The following LIPT1 variants were observed in gnomAD, a reference collection of about 807,000 sequenced individuals.
LIPT1 encodes lipoyltransferase 1.
LIPT1 carries 22 observed loss-of-function variants against 25.1 expected under a neutral mutation model. The observed-to-expected ratio is 0.88, with a 90% CI of 0.63 to 1.25. The LOEUF (loss-of-function observed/expected upper bound fraction) is 1.25. Ranked by LOEUF, LIPT1 falls within the 50% of genes most tolerant of loss-of-function variation. The pLI is 0.00. For synonymous variants in LIPT1, 131 were observed against 150.8 expected (o/e 0.87, Z 0.96); for missense variants, 399 against 432.8 (o/e 0.92, Z 0.69).
At chr2:99,155,940 C>T (rs2093747760) in intron 1 of LIPT1, among the ~76,000 whole-genome samples, 1 of 152,212 alleles carries the variant, frequency 6.6e-6, no homozygotes, top group Non-Finnish European at 1.5e-5. Flanking sequence ...GGCTTGTCAC[C>T]AGACCTACAG....
In LIPT1 at chr2:99,162,098, G is replaced by C. The variant is rs2093798002; in HGVS notation, c.141G>C (p.Val47=). The C allele has an allele frequency of 2.5e-6, 4 of 1,613,952 alleles. No homozygotes were observed. The highest frequency in any genetic ancestry group is 3.4e-6 in the Non-Finnish European group (4 of 1,180,026). ...ISNDVYQNLA[V]EDWIHDHMNL... ...ATGATGTCTATCAAAATCTGGCTGTGGAAGACTGGATCCATGACCATATGA... is the reference window on the plus strand; with the variant it reads ...ATGATGTCTATCAAAATCTGGCTGTCGAAGACTGGATCCATGACCATATGA... Residue 47 remains valine (V), a synonymous_variant, in exon 2 of 2, where the codon GTG becomes GTC. Coordinates refer to ENST00000651691, the MANE Select transcript of LIPT1 (RefSeq NM_145199.3).
chr2:99,156,553 C>G (rs140931591), intron 1 of LIPT1: 1 of 152,376 alleles, frequency 6.6e-6, no homozygotes, highest in East Asian at 1.9e-4. Context: ...TGTGAACCAC[C>G]TCGCCCGGCC....
In LIPT1 at chr2:99,162,648, G is replaced by T. The variant is rs140873370; in HGVS notation, c.691G>T (p.Val231Phe). The change falls in exon 2 of 2, where the codon GTT becomes TTT. Residue 231 changes from valine to phenylalanine, a missense_variant. Val to Phe is a conservative substitution (Grantham distance 50). Coordinates refer to ENST00000651691, the MANE Select transcript of LIPT1 (RefSeq NM_145199.3). ...GACCTGTGAAGTACTAATGAATGCTGTTGCTACAGAGTATGCTGCTTATCA... is the reference window on the plus strand; with the variant it reads ...GACCTGTGAAGTACTAATGAATGCTTTTGCTACAGAGTATGCTGCTTATCA... Reference protein sequence around the residue: ...TLTCEVLMNAVATEYAAYHQI... With the variant: ...TLTCEVLMNAFATEYAAYHQI... The T allele has an allele frequency of 6.2e-7, 1 of 1,614,078 alleles. No homozygotes were observed. Among genetic ancestry groups the T allele is most frequent in the Non-Finnish European group, 8.5e-7 (1 of 1,179,974 alleles).
chr2:99,162,494 T>C lies in LIPT1; in HGVS notation c.537T>C (p.Thr179=), dbSNP rs750104112. The part of the protein sequence containing the change: ...IGRTTAYHHC[T]LLCSTDGTFL... ...GGACTACTGCCTATCACCATTGCAC[T>C]TTATTATGTAGTACTGATGGGACGT... Residue 179 remains threonine (T), a synonymous_variant, in exon 2 of 2, where the codon ACT becomes ACC. Coordinates refer to ENST00000651691, the MANE Select transcript of LIPT1 (RefSeq NM_145199.3). 6.2e-6 allele frequency: 10 copies of C among 1,614,044 alleles called. No individual in the cohort carries two copies. Among genetic ancestry groups the C allele is most frequent in the African/African-American group, 2.7e-5 (2 of 74,938 alleles).
rs2093797218 is a variant in LIPT1 at position 99,162,024 on chromosome 2, G to A, written c.67G>A (p.Gly23Ser). The A allele has an allele frequency of 1.2e-6, 2 of 1,613,698 alleles. No individual in the cohort carries two copies. Among genetic ancestry groups the A allele is most frequent in the East Asian group, 4.5e-5 (2 of 44,854 alleles). The change falls in exon 2 of 2, where the codon GGC becomes AGC. Residue 23 changes from glycine to serine, a missense_variant. By Grantham distance (56) the Gly-to-Ser change is moderately conservative. Transcript: ENST00000651691. The stretch of plus-strand genomic sequence containing the variant: ...TTGTAACTGCCAGGTCCCAGCAGCT[G>A]GCTTTAAAAAAACAGTAAAAAATGG... Reference protein sequence around the residue: ...LLCNCQVPAAGFKKTVKNGLI... With the variant: ...LLCNCQVPAASFKKTVKNGLI...
intron 1 of LIPT1, among the ~76,000 whole-genome samples, chr2:99,158,932 TC>T (rs1297675444): frequency 6.6e-6 from 1 of 152,170 alleles, no homozygotes; most frequent in African/African-American, 2.4e-5. Context: ...CACCTTCTTT[TC>T]TTTTTTTTTC....
rs1435170521 is a variant in LIPT1 at position 99,162,689 on chromosome 2, CATTCACCTA to C, written c.735_743del (p.His246_Ile248del). 6.2e-7 allele frequency: 1 copy of C among 1,614,138 alleles called. No homozygotes were observed. Among genetic ancestry groups the C allele is most frequent in the Admixed American group, 1.7e-5 (1 of 60,016 alleles). On this transcript the variant is annotated inframe_deletion, in exon 2 of 2. Transcript: ENST00000651691. ...CTGCTTATCATCAAATTGATAATCACATTCACCTAATAAACCCAACGGATGAGACACTGT... is the reference window on the plus strand; with the variant it reads ...CTGCTTATCATCAAATTGATAATCACATAAACCCAACGGATGAGACACTGT...
At chr2:99,157,957 C>T (rs1254579947) in intron 1 of LIPT1, among the ~76,000 whole-genome samples, 1 of 152,144 alleles carries the variant, frequency 6.6e-6, no homozygotes, top group Non-Finnish European at 1.5e-5. Flanking sequence ...GAAATCAGGG[C>T]ATAATATTAA....
intron 1 of LIPT1, among the ~76,000 whole-genome samples, chr2:99,158,899 T>C (rs771383619): frequency 1.3e-5 from 2 of 152,170 alleles, no homozygotes; most frequent in African/African-American, 2.4e-5. Flanking sequence ...GAGGTACTTG[T>C]TTCTTGAAGG....
At chr2:99,157,801 C>G (rs1422610072) in intron 1 of LIPT1, among the ~76,000 whole-genome samples, 1 of 152,136 alleles carries the variant, frequency 6.6e-6, no homozygotes, top group Non-Finnish European at 1.5e-5. Flanking sequence ...CTCACTGAAC[C>G]ACCTTCCTGT....
chr2:99,161,070 GCATGGCCAA>G (rs1209299100), intron 1 of LIPT1, among the ~76,000 whole-genome samples: 1 of 150,376 alleles, frequency 6.6e-6, no homozygotes, highest in African/African-American at 2.4e-5. Flanking sequence ...TCCAAGACCA[GCATGGCCAA>G]CATGGTGAAA....
At chr2:99,159,305 C>T (rs1221168352) in intron 1 of LIPT1, among the ~76,000 whole-genome samples, 3 of 152,200 alleles carry the variant, frequency 2.0e-5, no homozygotes, top group Non-Finnish European at 2.9e-5. Context: ...CCTCGTGATC[C>T]GCCTGCCTCG....
In LIPT1 at chr2:99,162,448, G is replaced by A. The variant is rs776902574; in HGVS notation, c.491G>A (p.Gly164Glu). ...LLLDGQFKIS[G>E]TASKIGRTTA... ...CTTGATGGACAGTTTAAAATCTCAG[G>A]AACAGCTTCTAAGATCGGCCGGACT... The change falls in exon 2 of 2, where the codon GGA becomes GAA. Residue 164 changes from glycine to glutamate, a missense_variant. Gly to Glu is a moderately conservative substitution (Grantham distance 98). Transcript: ENST00000651691. 6.2e-7 allele frequency: 1 copy of A among 1,613,962 alleles called. No individual in the cohort carries two copies. The highest frequency in any genetic ancestry group is 1.7e-5 in the Admixed American group (1 of 60,020).
At position 99,162,598 on chromosome 2, in the gene LIPT1, A is replaced by G; in HGVS notation, c.641A>G (p.Asn214Ser). 4 of 1,614,148 alleles carry G rather than the reference A, an allele frequency of 2.5e-6. No individual in the cohort carries two copies. Among genetic ancestry groups the G allele is most frequent in the Non-Finnish European group, 3.4e-6 (4 of 1,180,034 alleles). The change falls in exon 2 of 2, where the codon AAT becomes AGT. Residue 214 changes from asparagine (N) to serine (S), a missense_variant. By Grantham distance (46) the Asn-to-Ser change is conservative. Transcript: ENST00000651691. The part of the protein sequence containing the change: ...ATASIPSLVK[N>S]LLEKDPTLTC... The stretch of plus-strand genomic sequence containing the variant: ...GCTAGCATACCTTCCTTAGTGAAAA[A>G]TCTTTTGGAAAAGGATCCCACTCTG...
At chr2:99,156,255 A>G (rs2093751996) in intron 1 of LIPT1, 1 of 152,148 alleles carries the variant, frequency 6.6e-6, no homozygotes, top group African/African-American at 2.4e-5. Flanking sequence ...TCTCACATAC[A>G]CAGTTACAAT....
At position 99,161,966 on chromosome 2, in the gene LIPT1, C is replaced by A; in HGVS notation, c.9C>A (p.Ile3=). 2 of 1,594,498 alleles carry A rather than the reference C, an allele frequency of 1.3e-6. No homozygotes were observed. The highest frequency in any genetic ancestry group is 1.7e-6 in the Non-Finnish European group (2 of 1,168,754). The change falls in exon 2 of 2, where the codon ATC becomes ATA. Residue 3 remains isoleucine (I), a synonymous_variant. Transcript: ENST00000651691. ...CTTCCATTTTTAAAAGCATGCTGATCCCATTTTCAATGAAGAATTGCTTCC... is the reference window on the plus strand; with the variant it reads ...CTTCCATTTTTAAAAGCATGCTGATACCATTTTCAATGAAGAATTGCTTCC... ML[I]PFSMKNCFQL...
Sources: gnomAD v4.1 joint callset for allele counts (sites outside exome capture counted in the v4.1 genomes callset) on GRCh38, gnomAD v4.1.1 for gene constraint, MANE v1.5 for transcripts, NCBI Gene and HGNC (gene_info 2026-07-23, HGNC 2026-07-21) for gene names.